CD226: variants seen among roughly 807,000 people sequenced by gnomAD.
CD226 encodes the protein CD226 molecule, also known as CD226 antigen.
Under a neutral mutation model 34.9 loss-of-function variants are expected in CD226, and 24 were observed. The observed-to-expected ratio is 0.69, with a 90% CI of 0.50 to 0.97. CD226 has a LOEUF of 0.97. Ranked by LOEUF, CD226 falls within the 50% of genes least tolerant of loss-of-function variation. The probability of loss-of-function intolerance (pLI) is 0.00; values close to 1 mark genes in which losing one functional copy is unlikely to be tolerated. For missense variants in CD226, 397 were observed against 412.7 expected, an observed-to-expected ratio of 0.96 and a Z score of 0.33; for synonymous variants, 148 against 147.4, an observed-to-expected ratio of 1.00 and a Z score of -0.03.
chr18:69,854,919 A>T lies in CD226; in HGVS notation c.*9395T>A, dbSNP rs527284588. On this transcript the variant is annotated 3_prime_UTR_variant, in exon 6 of 6. Transcript: ENST00000582621. Reference sequence around the variant, plus strand: ...CTCTCTGAAGAGGAGCACTTAGGGAAGCCTGAACTCAAGAAGGGGAAAAAC... The same window carrying T: ...CTCTCTGAAGAGGAGCACTTAGGGATGCCTGAACTCAAGAAGGGGAAAAAC... The T allele has an allele frequency of 1.2e-4, 19 of 152,522 alleles. No individual in the cohort carries two copies. The highest frequency in any genetic ancestry group is 4.6e-4 in the African/African-American group (19 of 41,598). 9.4% of individuals were successfully genotyped at this position (152,522 alleles called of 1,614,324 possible). A position where few individuals can be genotyped will look rare whatever the true frequency, so the allele number is the denominator to read the frequency against.
At chr18:69,866,272 C>T (rs1167920118) in intron 5 of CD226, among the ~76,000 whole-genome samples, 1 of 152,138 alleles carries the variant, frequency 6.6e-6, no homozygotes, top group Non-Finnish European at 1.5e-5. Flanking sequence ...AATGTTCAAT[C>T]CATAGCAACT....
chr18:69,869,894 G>A (rs901269844), intron 4 of CD226, among the ~76,000 whole-genome samples: 5 of 148,650 alleles, frequency 3.4e-5, no homozygotes, highest in South Asian at 2.1e-4. Flanking sequence ...TCCGCCTCCC[G>A]GGTTCAAGTG....
intron 2 of CD226, among the ~76,000 whole-genome samples, chr18:69,943,822 T>C (rs1036600603): frequency 1.3e-5 from 2 of 152,166 alleles, no homozygotes; most frequent in South Asian, 2.1e-4. Context: ...AGGAAGTCTA[T>C]GAAGATCCAG....
At chr18:69,929,102 G>A (rs145640177) in intron 2 of CD226, among the ~76,000 whole-genome samples, 88 of 152,254 alleles carry the variant, frequency 5.8e-4, no homozygotes, top group African/African-American at 1.8e-3. Context: ...GGGGATTGTG[G>A]GTGACTCAGG....
chr18:69,934,350 G>A (rs955136108), intron 2 of CD226, among the ~76,000 whole-genome samples: 11 of 151,172 alleles, frequency 7.3e-5, no homozygotes, highest in Non-Finnish European at 1.0e-4. Flanking sequence ...TGGAAATATC[G>A]GTGTTGGTAG....
intron 2 of CD226, among the ~76,000 whole-genome samples, chr18:69,903,367 C>T (rs2055211511): frequency 6.6e-6 from 1 of 152,168 alleles, no homozygotes; most frequent in African/African-American, 2.4e-5. Context: ...ACACTGTAGA[C>T]TCCCTGTGTG....
chr18:69,901,676 A>C (rs9961714), intron 2 of CD226, among the ~76,000 whole-genome samples: 30,249 of 151,774 alleles, frequency 0.2, 3,169 homozygotes, highest in Middle Eastern at 0.42. Flanking sequence ...TCAGGAGATC[A>C]AGACCATCCT....
At chr18:69,894,973 T>C (rs899338539) in intron 3 of CD226, among the ~76,000 whole-genome samples, 1 of 152,062 alleles carries the variant, frequency 6.6e-6, no homozygotes, top group Non-Finnish European at 1.5e-5. Flanking sequence ...TGTGGTGCCT[T>C]GGAGGAGGCC....
chr18:69,894,984 T>C (rs1331736592), intron 3 of CD226, among the ~76,000 whole-genome samples: 2 of 152,064 alleles, frequency 1.3e-5, no homozygotes, highest in East Asian at 1.9e-4. Context: ...GGAGGAGGCC[T>C]TGGAGGAGGT....
chr18:69,919,461 A>G lies in CD226; in HGVS notation c.383-23416T>C, dbSNP rs143999097. 8.3e-3 allele frequency among the ~76,000 whole-genome samples: 1,267 copies of G among 152,352 alleles called. 8 individuals are homozygous for G. Among genetic ancestry groups the G allele is most frequent in the Middle Eastern group, 0.051 (15 of 294 alleles). ...AGACAAACCATTTCATTTTCACCAT[A>G]ATATTTAAAGGATCATCCAGGAAGT... On this transcript the variant is annotated intron_variant, in intron 2 of 5. Coordinates refer to ENST00000582621, the MANE Select transcript of CD226 (RefSeq NM_001303618.2).
chr18:69,948,697 A>G (rs532897675), upstream of CD226, among the ~76,000 whole-genome samples: 4 of 152,282 alleles, frequency 2.6e-5, no homozygotes, highest in East Asian at 7.7e-4. Flanking sequence ...TTGTGCCTCT[A>G]GTTGTTTTGT....
At chr18:69,918,917 A>T (rs571846402) in intron 2 of CD226, among the ~76,000 whole-genome samples, 1 of 152,304 alleles carries the variant, frequency 6.6e-6, no homozygotes, top group East Asian at 1.9e-4. Flanking sequence ...CAGGCTAGTG[A>T]TACTTCAGGA....
In CD226 at chr18:69,946,791, A is replaced by G; in HGVS notation, c.325T>C (p.Ser109Pro). ...SEDDVGYYSCSLYTYPQGTWQ... is the reference protein window; with the variant it reads ...SEDDVGYYSCPLYTYPQGTWQ... ...GTTCCCTGTGGGTAAGTGTAAAGAG[A>G]GCAGGAATAGTAGCCAACATCATCT... is the stretch of plus-strand genomic sequence containing the variant. Residue 109 changes from serine to proline, a missense_variant, in exon 2 of 6, where the codon TCT becomes CCT. Physicochemically the swap from Ser to Pro is moderately conservative, Grantham distance 74 (BLOSUM62 -1). Coordinates refer to ENST00000582621, the MANE Select transcript of CD226 (RefSeq NM_001303618.2). 1 of 1,614,086 alleles carries G rather than the reference A, an allele frequency of 6.2e-7. No individual in the cohort carries two copies. The highest frequency in any genetic ancestry group is 8.5e-7 in the Non-Finnish European group (1 of 1,180,006).
upstream of CD226, among the ~76,000 whole-genome samples, chr18:69,952,750 C>T (rs574905375): frequency 1.3e-5 from 2 of 152,268 alleles, no homozygotes; most frequent in East Asian, 1.9e-4. Flanking sequence ...ATAAATTGGA[C>T]TTACTAAAAT....
At chr18:69,888,995 G>A (rs1197775009) in intron 3 of CD226, among the ~76,000 whole-genome samples, 3 of 151,734 alleles carry the variant, frequency 2.0e-5, no homozygotes, top group Non-Finnish European at 4.4e-5. Flanking sequence ...ATCAATACTA[G>A]GGCTTACAAA....
In CD226 at chr18:69,857,120, G is replaced by C. The variant is rs1610554; in HGVS notation, c.*7194C>G. The C allele has an allele frequency of 1.3e-5, 2 of 152,190 alleles. No individual in the cohort carries two copies. Among genetic ancestry groups the C allele is most frequent in the African/African-American group, 4.8e-5 (2 of 41,390 alleles). 9.4% of individuals were successfully genotyped at this position (152,190 alleles called of 1,614,324 possible). Reference sequence around the variant, plus strand: ...GAAGACGCAGCTTGCGGTGAGCCGAGGTCGCACCACTGCACTCCAGCCTGG... The same window carrying C: ...GAAGACGCAGCTTGCGGTGAGCCGACGTCGCACCACTGCACTCCAGCCTGG... On this transcript the variant is annotated 3_prime_UTR_variant, in exon 6 of 6. Coordinates refer to ENST00000582621, the MANE Select transcript of CD226 (RefSeq NM_001303618.2).
chr18:69,883,767 A>C (rs1214580481), intron 3 of CD226, among the ~76,000 whole-genome samples: 1 of 152,272 alleles, frequency 6.6e-6, no homozygotes, highest in Non-Finnish European at 1.5e-5. Flanking sequence ...TTCTTATAAC[A>C]ATAGAAATAT....
rs537919616 is a variant in CD226, at chr18:69,855,033, T to C, written c.*9281A>G. On this transcript the variant is annotated 3_prime_UTR_variant, in exon 6 of 6. Transcript: ENST00000582621. ...CAGACTTTAAACACAGTCTAATAGT[T>C]AGTCAGATTAAGATAAGTCTGCAAG... 6.6e-5 allele frequency: 10 copies of C among 152,278 alleles called. No homozygotes were observed. The East Asian group carries it at 1.9e-3, about 29-fold the overall frequency. 9.4% of individuals were successfully genotyped at this position (152,278 alleles called of 1,614,324 possible).
At chr18:69,875,574 C>T (rs904789101) in intron 3 of CD226, among the ~76,000 whole-genome samples, 1 of 152,208 alleles carries the variant, frequency 6.6e-6, no homozygotes, top group Non-Finnish European at 1.5e-5. Flanking sequence ...TTTTTGATAA[C>T]AGCCATTCTA....
Sources: allele counts gnomAD v4.1 joint callset (sites outside exome capture counted in the v4.1 genomes callset), GRCh38; gene constraint gnomAD v4.1.1; transcripts MANE v1.5; gene names NCBI Gene and HGNC (gene_info 2026-07-23, HGNC 2026-07-21).